The following PGBD5 variants were observed in gnomAD, a reference collection of about 807,000 sequenced individuals.
PGBD5 encodes piggyBac transposable element-derived protein 5.
A neutral mutation model predicts 47.9 loss-of-function variants in PGBD5; 14 were observed. That is an observed-to-expected ratio of 0.29 (90% CI 0.19 to 0.46). PGBD5 has a LOEUF of 0.46. Among genes scored for constraint, PGBD5 ranks in the 20% least tolerant of loss-of-function variants. PGBD5 has a pLI of 1.00. For missense variants in PGBD5, 635 were observed against 716.0 expected (o/e 0.89, Z 1.29); for synonymous variants, 316 against 306.3 (o/e 1.03, Z -0.33).
intron 1 of PGBD5, among the ~76,000 whole-genome samples, chr1:230,363,906 G>A (rs544163669): frequency 5.3e-5 from 8 of 152,262 alleles, no homozygotes; most frequent in East Asian, 3.9e-4. Context: ...AGCCAATCTC[G>A]TTGTTTTCTC....
chr1:230,344,546 A>T (rs1036943535), intron 3 of PGBD5, among the ~76,000 whole-genome samples: 1 of 152,228 alleles, frequency 6.6e-6, no homozygotes, highest in African/African-American at 2.4e-5. Context: ...CCTGAACGCC[A>T]GAAGCAGCTG....
At chr1:230,331,626 T>C (rs1667216771) in intron 5 of PGBD5, among the ~76,000 whole-genome samples, 2 of 151,844 alleles carry the variant, frequency 1.3e-5, no homozygotes, top group South Asian at 4.2e-4. Flanking sequence ...CTACTTCCTC[T>C]TCCTCTTTCT....
At chr1:230,364,178 C>T (rs988306810) in intron 1 of PGBD5, among the ~76,000 whole-genome samples, 15 of 152,334 alleles carry the variant, frequency 9.8e-5, no homozygotes, top group East Asian at 5.8e-4. Context: ...GGGGTACTCC[C>T]GTGGGGGTAG....
At chr1:230,395,344 C>CCT (rs1656912892) in intron 1 of PGBD5, among the ~76,000 whole-genome samples, 1 of 52,704 alleles carries the variant, frequency 1.9e-5, no homozygotes, top group African/African-American at 8.9e-5. Flanking sequence ...CATCCCAGCT[C>CCT]CTCTCACTCC....
At chr1:230,403,793 C>T (rs752806338) in intron 1 of PGBD5, among the ~76,000 whole-genome samples, 2 of 152,210 alleles carry the variant, frequency 1.3e-5, no homozygotes, top group African/African-American at 2.4e-5. Flanking sequence ...CCTGAGCCAA[C>T]GAAGAGTGAT....
intron 1 of PGBD5, among the ~76,000 whole-genome samples, chr1:230,370,191 A>C (rs828437): frequency 2.0e-3 from 297 of 152,192 alleles, no homozygotes; most frequent in Non-Finnish European, 2.5e-3. Context: ...CAGTCAAGAC[A>C]GGGCAGGGCG....
At chr1:230,341,609 G>A (rs1429650358) in intron 3 of PGBD5, among the ~76,000 whole-genome samples, 1 of 152,126 alleles carries the variant, frequency 6.6e-6, no homozygotes, top group Non-Finnish European at 1.5e-5. Flanking sequence ...GACACGACAC[G>A]GAAGGAAATA....
chr1:230,330,128 C>A (rs537806209), intron 5 of PGBD5, among the ~76,000 whole-genome samples: 1 of 152,116 alleles, frequency 6.6e-6, no homozygotes, highest in Non-Finnish European at 1.5e-5. Flanking sequence ...AAAAATCACT[C>A]GAAATTAGCC....
At chr1:230,408,733 C>T (rs1221575759) in intron 1 of PGBD5, among the ~76,000 whole-genome samples, 2 of 152,072 alleles carry the variant, frequency 1.3e-5, no homozygotes, top group East Asian at 3.9e-4. Context: ...GATGTAAATG[C>T]AAGCATAAAA....
At chr1:230,419,434 G>A (rs145865639) in intron 1 of PGBD5, among the ~76,000 whole-genome samples, 1 of 149,180 alleles carries the variant, frequency 6.7e-6, no homozygotes, top group African/African-American at 2.5e-5. Flanking sequence ...AGCAAGGTGA[G>A]AAAAACTACC....
intron 1 of PGBD5, among the ~76,000 whole-genome samples, chr1:230,365,488 C>A (rs911917552): frequency 2.0e-5 from 3 of 152,152 alleles, no homozygotes; most frequent in Non-Finnish European, 4.4e-5. Flanking sequence ...ATACAAGGCA[C>A]CCGTACACAT....
At chr1:230,375,652 CTTTTTTTTTTTTTT>C (rs199545872) in intron 1 of PGBD5, among the ~76,000 whole-genome samples, 34 of 105,634 alleles carry the variant, frequency 3.2e-4, no homozygotes, top group Non-Finnish European at 3.8e-4. Flanking sequence ...TCCTATTTGA[CTTTTTTTTTTTTTT>C]TTTTTTTTTT....
chr1:230,328,565 G>A (rs999365564), intron 5 of PGBD5, among the ~76,000 whole-genome samples: 22 of 152,304 alleles, frequency 1.4e-4, no homozygotes, highest in African/African-American at 3.8e-4. Context: ...GCACAGATTC[G>A]TGGTGGACGC....
At position 230,323,415 on chromosome 1, in the gene PGBD5, G is replaced by T. The variant is rs935057662; in HGVS notation, c.*10C>A. 5.6e-6 allele frequency: 9 copies of T among 1,610,474 alleles called. No homozygotes were observed. The highest frequency in any genetic ancestry group is 6.8e-6 in the Non-Finnish European group (8 of 1,178,244). On this transcript the variant is annotated 3_prime_UTR_variant, in exon 7 of 7. Transcript: ENST00000391860. The surrounding 1 kb of genome is among the most constrained non-coding windows in gnomAD (Gnocchi z 4.1). ...TGCCCCTCCCTTGACCGAGTCCTGC[G>T]CCCCCAGCATCAGTGGGTCGGAGAG...
At chr1:230,365,950 A>C (rs1419832830) in intron 1 of PGBD5, among the ~76,000 whole-genome samples, 1 of 152,256 alleles carries the variant, frequency 6.6e-6, no homozygotes, top group Non-Finnish European at 1.5e-5. Context: ...CAAGATAACA[A>C]CACAGGAAGG....
intron 4 of PGBD5, among the ~76,000 whole-genome samples, chr1:230,333,666 G>C (rs1667258441): frequency 6.6e-6 from 1 of 152,240 alleles, no homozygotes; most frequent in South Asian, 2.1e-4. Flanking sequence ...TCTCCTTGGG[G>C]AGCTATATTT....
At chr1:230,350,672 C>A (rs1667546698) in intron 3 of PGBD5, among the ~76,000 whole-genome samples, 2 of 152,150 alleles carry the variant, frequency 1.3e-5, no homozygotes, top group South Asian at 4.1e-4. Flanking sequence ...ATTGCTACGG[C>A]CTGAGCCTTG....
chr1:230,353,315 C>G (rs1393815622), intron 2 of PGBD5, among the ~76,000 whole-genome samples: 1 of 152,122 alleles, frequency 6.6e-6, no homozygotes, highest in African/African-American at 2.4e-5. Flanking sequence ...AGGGGAAAGA[C>G]AAAACATCCA....
rs138438350 is a variant in PGBD5, at chr1:230,374,839, G to A, written c.332-17518C>T. Among the ~76,000 whole-genome samples, 48 of 152,246 alleles carry A rather than the reference G, an allele frequency of 3.2e-4. No individual in the cohort carries two copies. In the East Asian group the frequency reaches 3.9e-3, roughly 12 times the overall value. On this transcript the variant is annotated intron_variant, in intron 1 of 6. Coordinates refer to ENST00000391860, the MANE Select transcript of PGBD5 (RefSeq NM_001258311.2). Reference sequence around the variant, plus strand: ...TGTATTCCACCTTATCTGCCTCAGCGTCAACTTATACTCCTTAAACAACAT... The same window carrying A: ...TGTATTCCACCTTATCTGCCTCAGCATCAACTTATACTCCTTAAACAACAT...
Sources: gnomAD v4.1 joint callset for allele counts (sites outside exome capture counted in the v4.1 genomes callset) on GRCh38, gnomAD v4.1.1 for gene constraint, Gnocchi (gnomAD v3.1) non-coding constraint, MANE v1.5 for transcripts, NCBI Gene and HGNC (gene_info 2026-07-23, HGNC 2026-07-21) for gene names.